The following PRP4K variants were observed in gnomAD, a reference collection of about 807,000 sequenced individuals.
PRP4K encodes pre-mRNA processing factor kinase PRP4K.
At chr6:4,049,039 C>T in the PRP4K span, 1 of 1,612,890 alleles carries the variant, frequency 6.2e-7, no homozygotes, top group Non-Finnish European at 8.5e-7. Flanking sequence ...GGGCCGCTGG[C>T]ATTGGAAAAG....
the PRP4K span, among the ~76,000 whole-genome samples, chr6:4,039,912 C>A: frequency 8.4e-6 from 1 of 119,238 alleles, no homozygotes; most frequent in Non-Finnish European, 1.6e-5. Context: ...CTTTTCTTTT[C>A]TTTCTTGAGG....
the PRP4K span, chr6:4,037,501 G>C: frequency 4.3e-6 from 7 of 1,613,984 alleles, no homozygotes; most frequent in Non-Finnish European, 5.9e-6. Flanking sequence ...TCTCCCATTA[G>C]AAGGAGGTCT....
chr6:4,063,712 TTACATGATTTTCC>T, the PRP4K span: 1 of 152,158 alleles, frequency 6.6e-6, no homozygotes, highest in Non-Finnish European at 1.5e-5. Context: ...CTTATGTACG[TTACATGATTTTCC>T]TACACTCTGT....
chr6:4,062,607 A>G, the PRP4K span: 1 of 152,616 alleles, frequency 6.6e-6, no homozygotes. The surrounding 1 kb of genome is among the most constrained non-coding windows in gnomAD (Gnocchi z 4.2). Flanking sequence ...AGAATGGAAA[A>G]TCAGAATAGC....
the PRP4K span, among the ~76,000 whole-genome samples, chr6:4,040,478 T>G: frequency 9.9e-5 from 15 of 152,272 alleles, no homozygotes; most frequent in Non-Finnish European, 2.2e-4. Flanking sequence ...TATATTCAAG[T>G]TCAAGTTCAT....
chr6:4,047,703 T>G, the PRP4K span, among the ~76,000 whole-genome samples: 1 of 152,206 alleles, frequency 6.6e-6, no homozygotes, highest in Admixed American at 6.5e-5. Context: ...TTTTGGTGAT[T>G]TCACCACTTT....
the PRP4K span, chr6:4,032,773 T>C: frequency 1.8e-5 from 27 of 1,533,668 alleles, no homozygotes; most frequent in Admixed American, 1.2e-4. Flanking sequence ...GTGTACAAAA[T>C]GTTAAAGCTT....
chr6:4,055,669 A>G, the PRP4K span, among the ~76,000 whole-genome samples: 1 of 152,226 alleles, frequency 6.6e-6, no homozygotes, highest in African/African-American at 2.4e-5. Context: ...AGATGTCACT[A>G]TTACTGTGTA....
the PRP4K span, among the ~76,000 whole-genome samples, chr6:4,039,200 A>G: frequency 6.6e-6 from 1 of 152,206 alleles, no homozygotes; most frequent in Non-Finnish European, 1.5e-5. Context: ...TTAGGTACTG[A>G]GAAAGCTGAA....
the PRP4K span, among the ~76,000 whole-genome samples, chr6:4,043,562 G>C: frequency 2.2e-4 from 33 of 152,116 alleles, no homozygotes; most frequent in African/African-American, 7.5e-4. Context: ...AATAAATGGT[G>C]CCTCATCTGA....
At chr6:4,039,081 T>C in the PRP4K span, among the ~76,000 whole-genome samples, 2 of 152,170 alleles carry the variant, frequency 1.3e-5, no homozygotes, top group Non-Finnish European at 2.9e-5. Flanking sequence ...TAGTTTTCTT[T>C]GCTATATTGT....
chr6:4,051,691 G>C, the PRP4K span, among the ~76,000 whole-genome samples: 1 of 152,092 alleles, frequency 6.6e-6, no homozygotes. Flanking sequence ...AAAATAAGAT[G>C]GGTTTGTTCC....
At chr6:4,055,406 A>T in the PRP4K span, among the ~76,000 whole-genome samples, 1 of 152,214 alleles carries the variant, frequency 6.6e-6, no homozygotes, top group South Asian at 2.1e-4. Flanking sequence ...TTCTGTTCCT[A>T]TTAATAGCTT....
At chr6:4,060,922 G>A in the PRP4K span, 2 of 306,918 alleles carry the variant, frequency 6.5e-6, no homozygotes, top group Non-Finnish European at 1.2e-5. The surrounding 1 kb of genome is among the most constrained non-coding windows in gnomAD (Gnocchi z 4.7). Flanking sequence ...TAGTAATATT[G>A]GGTGGTTGAT....
At chr6:4,037,648 C>A in the PRP4K span, 1 of 1,364,720 alleles carries the variant, frequency 7.3e-7, no homozygotes, top group Non-Finnish European at 9.9e-7. Context: ...GGTAGGTTTT[C>A]TTTTAGACCA....
the PRP4K span, chr6:4,050,393 C>T: frequency 1.3e-5 from 8 of 606,186 alleles, no homozygotes; most frequent in Non-Finnish European, 1.9e-5. Flanking sequence ...GAACAACAGG[C>T]TGATTATTTT....
At chr6:4,056,803 T>C in the PRP4K span, 11 of 1,283,142 alleles carry the variant, frequency 8.6e-6, no homozygotes, top group Middle Eastern at 2.9e-4. Flanking sequence ...GAAATACATA[T>C]TTTCTTTTGC....
chr6:4,037,476 CGAA>C, the PRP4K span: 85 of 1,613,964 alleles, frequency 5.3e-5, no homozygotes, highest in Admixed American at 1.5e-4. Context: ...GTCTCCAACC[CGAA>C]GAAGAAGTAG....
chr6:4,057,013 T>G, the PRP4K span: 1 of 1,529,410 alleles, frequency 6.5e-7, no homozygotes, highest in Admixed American at 2.2e-5. Flanking sequence ...CCTCGTATAT[T>G]AAAACTTTGA....
Sources: gnomAD v4.1 joint callset for allele counts (sites outside exome capture counted in the v4.1 genomes callset) on GRCh38, gnomAD v4.1.1 for gene constraint, Gnocchi (gnomAD v3.1) non-coding constraint, MANE v1.5 for transcripts, NCBI Gene and HGNC (gene_info 2026-07-23, HGNC 2026-07-21) for gene names.